DLGAP1: variants seen among roughly 807,000 people sequenced by gnomAD.
DLGAP1 encodes the protein DLG associated protein 1.
In DLGAP1, 11 loss-of-function variants were observed where a neutral mutation model predicts 90.8. The observed-to-expected ratio is 0.12, with a 90% CI of 0.08 to 0.20. The LOEUF is 0.20. DLGAP1 is among the 10% of genes least tolerant of loss of function. The pLI, the probability that DLGAP1 is intolerant of heterozygous loss-of-function variation, is 1.00. For synonymous variants in DLGAP1, 558 were observed against 540.7 expected (o/e 1.03, Z -0.44); for missense variants, 1,050 against 1,333.8 (o/e 0.79, Z 3.31).
chr18:4,348,047 G>A (rs1343662978), intron 1 of DLGAP1, among the ~76,000 whole-genome samples: 1 of 152,100 alleles, frequency 6.6e-6, no homozygotes, highest in Admixed American at 6.6e-5. Flanking sequence ...CAGTGAAGGG[G>A]ATGGGAAAGA....
chr18:4,153,508 T>A (rs1229034530), intron 1 of DLGAP1, among the ~76,000 whole-genome samples: 1 of 152,218 alleles, frequency 6.6e-6, no homozygotes, highest in Admixed American at 6.5e-5. Context: ...CAAGTGTCCC[T>A]CTTTTTAACT....
At chr18:3,536,797 T>C (rs538471312) in intron 9 of DLGAP1, among the ~76,000 whole-genome samples, 2 of 152,212 alleles carry the variant, frequency 1.3e-5, no homozygotes, top group East Asian at 1.9e-4. Context: ...AAGCGCCCTA[T>C]ATATCTCTGG....
At position 3,834,027 on chromosome 18, in the gene DLGAP1, C is replaced by T. The variant is rs987072016; in HGVS notation, c.958-19754G>A. The stretch of plus-strand genomic sequence containing the variant: ...ATAAATTGGTATAGAGATTTATGGG[C>T]CGGGCGTGGTGGTTCACACCTGTGA... On this transcript the variant is annotated intron_variant, in intron 4 of 12. Transcript: ENST00000315677. 2.0e-5 allele frequency among the ~76,000 whole-genome samples: 3 copies of T among 152,156 alleles called. No homozygotes were observed. The East Asian group carries it at 5.8e-4, about 29-fold the overall frequency.
intron 1 of DLGAP1, among the ~76,000 whole-genome samples, chr18:4,434,300 G>A (rs139851219): frequency 2.4e-4 from 37 of 151,966 alleles, no homozygotes; most frequent in African/African-American, 7.7e-4. Context: ...GTGTTGTAGC[G>A]TCCCCTAAGT....
At chr18:3,669,820 G>C (rs1032679904) in intron 7 of DLGAP1, among the ~76,000 whole-genome samples, 4 of 152,190 alleles carry the variant, frequency 2.6e-5, no homozygotes, top group Non-Finnish European at 5.9e-5. Context: ...CTCTGTCCTT[G>C]TGATGAGGAA....
intron 1 of DLGAP1, among the ~76,000 whole-genome samples, chr18:4,330,926 A>G (rs2080935069): frequency 6.6e-6 from 1 of 151,720 alleles, no homozygotes; most frequent in Non-Finnish European, 1.5e-5. Flanking sequence ...AGTTACTGGG[A>G]GCAGAGTGTT....
rs375982794 is a variant in DLGAP1, at chr18:3,523,674, C to T, written c.2479+10520G>A. ...CATCCTGGCTAACACGGTGAAACCCCGTCTCTACTAAAAATACAAAAAATT... is the reference window on the plus strand; with the variant it reads ...CATCCTGGCTAACACGGTGAAACCCTGTCTCTACTAAAAATACAAAAAATT... On this transcript the variant is annotated intron_variant, in intron 10 of 12. Transcript: ENST00000315677. Among the ~76,000 whole-genome samples the T allele has an allele frequency of 2.6e-3, 397 of 151,952 alleles. 7 individuals carry two copies. In the East Asian group the frequency reaches 0.035, roughly 13 times the overall value.
At chr18:3,853,946 G>T (rs2069483213) in intron 4 of DLGAP1, among the ~76,000 whole-genome samples, 1 of 151,404 alleles carries the variant, frequency 6.6e-6, no homozygotes, top group South Asian at 2.1e-4. Flanking sequence ...TCCCTCCTTG[G>T]TGACTTTACT....
chr18:4,006,732 A>T (rs1173752096), intron 2 of DLGAP1, among the ~76,000 whole-genome samples: 1 of 150,234 alleles, frequency 6.7e-6, no homozygotes, highest in Non-Finnish European at 1.5e-5. Flanking sequence ...TGCATCCTTG[A>T]CCCCCAGTGT....
At chr18:4,070,059 T>A (rs2075424974) in intron 2 of DLGAP1, among the ~76,000 whole-genome samples, 1 of 152,084 alleles carries the variant, frequency 6.6e-6, no homozygotes, top group Non-Finnish European at 1.5e-5. Context: ...CTCATCTCAC[T>A]GAAACCTCCA....
chr18:4,202,075 G>A (rs2077618615), intron 1 of DLGAP1, among the ~76,000 whole-genome samples: 1 of 151,914 alleles, frequency 6.6e-6, no homozygotes, highest in South Asian at 2.1e-4. Context: ...ATCAACCGAA[G>A]TGCCCATTAA....
At chr18:3,696,906 T>C (rs530802626) in intron 7 of DLGAP1, among the ~76,000 whole-genome samples, 15 of 152,264 alleles carry the variant, frequency 9.9e-5, no homozygotes, top group African/African-American at 3.4e-4. Context: ...GATTCGACTT[T>C]TTCCTGGTTT....
At chr18:3,577,994 T>G (rs2055258660) in intron 8 of DLGAP1, among the ~76,000 whole-genome samples, 1 of 152,200 alleles carries the variant, frequency 6.6e-6, no homozygotes. Flanking sequence ...ATCTAATAAT[T>G]GTTGAACACT....
intron 5 of DLGAP1, among the ~76,000 whole-genome samples, chr18:3,793,175 T>A (rs1424690064): frequency 6.6e-6 from 1 of 152,124 alleles, no homozygotes; most frequent in Non-Finnish European, 1.5e-5. Flanking sequence ...ACACCACGGT[T>A]CCATATGGCC....
intron 1 of DLGAP1, among the ~76,000 whole-genome samples, chr18:4,306,938 T>G (rs2080277095): frequency 6.6e-6 from 1 of 152,230 alleles, no homozygotes; most frequent in African/African-American, 2.4e-5. Context: ...AGCTTTTGTT[T>G]TGTTTGTCCT....
At chr18:4,017,856 T>C (rs886866032) in intron 2 of DLGAP1, among the ~76,000 whole-genome samples, 1 of 142,372 alleles carries the variant, frequency 7.0e-6, no homozygotes. Context: ...TGTGCTATAC[T>C]TTTTTTTTTT....
At chr18:4,402,295 T>C (rs1354986709) in intron 1 of DLGAP1, among the ~76,000 whole-genome samples, 2 of 152,246 alleles carry the variant, frequency 1.3e-5, no homozygotes, top group Admixed American at 1.3e-4. Context: ...ATATTATTTA[T>C]AATGTTTCAT....
chr18:3,907,194 CA>C (rs2071928968), intron 3 of DLGAP1, among the ~76,000 whole-genome samples: 1 of 152,160 alleles, frequency 6.6e-6, no homozygotes, highest in African/African-American at 2.4e-5. Context: ...CGGGTGACTG[CA>C]GTTTACTTCC....
At chr18:3,925,038 C>T (rs759625069) in intron 3 of DLGAP1, among the ~76,000 whole-genome samples, 182 of 152,248 alleles carry the variant, frequency 1.2e-3, no homozygotes, top group African/African-American at 3.9e-3. Context: ...CCGCAACCTC[C>T]GCCGCCTGAG....
Sources: allele counts gnomAD v4.1 joint callset (sites outside exome capture counted in the v4.1 genomes callset), GRCh38; gene constraint gnomAD v4.1.1; transcripts MANE v1.5; gene names NCBI Gene and HGNC (gene_info 2026-07-23, HGNC 2026-07-21).